GSAP: variants seen among roughly 807,000 people sequenced by gnomAD.
GSAP encodes gamma-secretase activating protein.
GSAP carries 118 observed loss-of-function variants against 131.7 expected under a neutral mutation model. That is an observed-to-expected ratio of 0.90 (90% CI 0.77 to 1.04). The LOEUF is 1.04. Ranked by LOEUF, GSAP falls within the 50% of genes least tolerant of loss-of-function variation. GSAP has a pLI of 0.00. For missense variants in GSAP, 1,019 were observed against 1,013.2 expected, an observed-to-expected ratio of 1.01 and a Z score of -0.08; for synonymous variants, 381 against 363.4, an observed-to-expected ratio of 1.05 and a Z score of -0.55.
At chr7:77,362,967 T>A (rs1794760419) in intron 12 of GSAP, among the ~76,000 whole-genome samples, 1 of 152,226 alleles carries the variant, frequency 6.6e-6, no homozygotes. Context: ...CATGAGATTC[T>A]CCTAGTAAGC....
At chr7:77,337,354 C>T (rs1790176232) in intron 19 of GSAP, among the ~76,000 whole-genome samples, 1 of 151,888 alleles carries the variant, frequency 6.6e-6, no homozygotes, top group South Asian at 2.1e-4. Context: ...TTTGTATTCT[C>T]TGTAGAGACA....
intron 19 of GSAP, among the ~76,000 whole-genome samples, chr7:77,334,580 T>TAAAAAAAAAAAAAAAAAAAAA (rs57442782): frequency 1.2e-5 from 1 of 81,950 alleles, no homozygotes. Context: ...ACTTAAAATT[T>TAAAAAAAAAAAAAAAAAAAAA]AAAAAAAAAA....
chr7:77,412,598 C>A (rs757087657), intron 1 of GSAP, among the ~76,000 whole-genome samples: 1 of 151,596 alleles, frequency 6.6e-6, no homozygotes, highest in Non-Finnish European at 1.5e-5. Context: ...ATTTGCAACA[C>A]GTGATAAAGA....
At chr7:77,404,291 G>C (rs1012964167) in intron 3 of GSAP, among the ~76,000 whole-genome samples, 5 of 152,134 alleles carry the variant, frequency 3.3e-5, no homozygotes, top group African/African-American at 1.2e-4. Context: ...GCCAGCTCCT[G>C]GAAACTTTCC....
At chr7:77,374,004 A>G (rs535593279) in intron 12 of GSAP, 66 bp downstream of exon 12, 2 of 860,074 alleles carry the variant, frequency 2.3e-6, no homozygotes, top group African/African-American at 3.3e-5. Context: ...ATAGCTAAAC[A>G]ATGAGTAAAT....
intron 19 of GSAP, 164 bp from the exon 20 acceptor site, chr7:77,330,531 A>G: frequency 8.2e-7 from 1 of 1,226,512 alleles, no homozygotes; most frequent in East Asian, 3.5e-5. Flanking sequence ...GGATTCTAAA[A>G]TAGACTTAAA....
intron 19 of GSAP, among the ~76,000 whole-genome samples, chr7:77,337,147 A>G (rs1790113586): frequency 6.6e-6 from 1 of 152,118 alleles, no homozygotes. Context: ...GCTCTGCCCA[A>G]TTAAAACTTT....
At chr7:77,376,808 T>C (rs772163765) in intron 10 of GSAP, 40 bp downstream of exon 10, 1 of 837,650 alleles carries the variant, frequency 1.2e-6, no homozygotes. Flanking sequence ...GAGTAATGTA[T>C]CATAAACTTT....
chr7:77,372,118 G>A (rs925058908), intron 12 of GSAP, among the ~76,000 whole-genome samples: 3 of 152,208 alleles, frequency 2.0e-5, no homozygotes, highest in African/African-American at 7.2e-5. Context: ...TCAGTTGTGT[G>A]TAGCTTCCAA....
intron 19 of GSAP, among the ~76,000 whole-genome samples, chr7:77,340,365 T>C (rs1340184379): frequency 6.6e-6 from 1 of 152,176 alleles, no homozygotes; most frequent in Admixed American, 6.5e-5. Flanking sequence ...CAGACACACG[T>C]GACATTTGGT....
intron 12 of GSAP, among the ~76,000 whole-genome samples, chr7:77,369,871 C>T (rs1795855473): frequency 6.6e-6 from 1 of 151,548 alleles, no homozygotes; most frequent in Non-Finnish European, 1.5e-5. Context: ...CTTGTTTCAT[C>T]TTAAATCTGG....
At chr7:77,316,294 C>T (rs759615762) in intron 26 of GSAP, 1 of 152,226 alleles carries the variant, frequency 6.6e-6, no homozygotes, top group Middle Eastern at 3.2e-3. Flanking sequence ...ATAGCCTACT[C>T]TTGGGAAGGT....
rs1022784633 is a variant in GSAP, at chr7:77,311,284, A to G, written c.*74T>C. ...TTTGTTACCAATTTTAAATATTGTT[A>G]AAGAATTCTCAAAGGAGTAAGGTTA... On this transcript the variant is annotated 3_prime_UTR_variant, in exon 31 of 31. Transcript: ENST00000257626. The G allele has an allele frequency of 2.2e-6, 2 of 890,022 alleles. No individual in the cohort carries two copies. The highest frequency in any genetic ancestry group is 2.0e-5 in the Admixed American group (1 of 49,938). 55.1% of individuals were successfully genotyped at this position (890,022 alleles called of 1,614,324 possible).
At chr7:77,359,807 A>G (rs1454584779) in intron 14 of GSAP, among the ~76,000 whole-genome samples, 1 of 152,236 alleles carries the variant, frequency 6.6e-6, no homozygotes, top group Admixed American at 6.5e-5. Context: ...TTCATAGTGG[A>G]AAGTTTCCCA....
At chr7:77,327,029 A>AC (rs1294388678) in intron 22 of GSAP, 1 of 151,902 alleles carries the variant, frequency 6.6e-6, no homozygotes, top group African/African-American at 2.4e-5. Context: ...ATATCTCTTG[A>AC]CCCCCCGGGA....
intron 1 of GSAP, among the ~76,000 whole-genome samples, chr7:77,414,412 G>C (rs1337646291): frequency 6.6e-6 from 1 of 152,190 alleles, no homozygotes; most frequent in Non-Finnish European, 1.5e-5. Flanking sequence ...ACCACCCACT[G>C]GTGATTATCA....
At position 77,364,570 on chromosome 7, in the gene GSAP, C is replaced by T. The variant is rs369022574; in HGVS notation, c.872-1910G>A. Among the ~76,000 whole-genome samples the T allele has an allele frequency of 5.3e-5, 8 of 150,654 alleles. No individual in the cohort carries two copies. The South Asian group carries it at 1.1e-3, about 20-fold the overall frequency. ...ATAGCATTAGGAGATATACCTAATGCTAAATGACAAGTTAATGGGTGCAGC... is the reference window on the plus strand; with the variant it reads ...ATAGCATTAGGAGATATACCTAATGTTAAATGACAAGTTAATGGGTGCAGC... On this transcript the variant is annotated intron_variant, in intron 12 of 30. Coordinates refer to ENST00000257626, the MANE Select transcript of GSAP (RefSeq NM_017439.4).
intron 8 of GSAP, chr7:77,379,832 G>A: frequency 2.0e-6 from 2 of 982,116 alleles, no homozygotes; most frequent in South Asian, 9.4e-5. Context: ...GTAGCCCAGA[G>A]CTCCAGTGAC....
chr7:77,350,572 T>TAAAA (rs368824065), intron 18 of GSAP, among the ~76,000 whole-genome samples: 8 of 121,244 alleles, frequency 6.6e-5, no homozygotes, highest in East Asian at 2.3e-4. Flanking sequence ...CCCGCTCTAC[T>TAAAA]AAAAAAAAAA....
Sources: gnomAD v4.1 joint callset for allele counts (sites outside exome capture counted in the v4.1 genomes callset) on GRCh38, gnomAD v4.1.1 for gene constraint, MANE v1.5 for transcripts, NCBI Gene and HGNC (gene_info 2026-07-23, HGNC 2026-07-21) for gene names.